The following JCAD variants were observed in gnomAD, a reference collection of about 807,000 sequenced individuals.
JCAD encodes the protein junctional cadherin 5 associated.
JCAD carries 40 observed loss-of-function variants against 98.0 expected under a neutral mutation model. That is an observed-to-expected ratio of 0.41 (90% confidence interval 0.32 to 0.53). The LOEUF (loss-of-function observed/expected upper bound fraction) is 0.53. JCAD is among the 20% of genes least tolerant of loss of function. The pLI is 0.31. For missense variants in JCAD, 1,705 were observed against 1,738.1 expected, an observed-to-expected ratio of 0.98 and a Z score of 0.34; for synonymous variants, 691 against 682.3, an observed-to-expected ratio of 1.01 and a Z score of -0.20.
At chr10:30,021,544 G>A (rs1311017316) in intron 3 of JCAD, among the ~76,000 whole-genome samples, 3 of 152,128 alleles carry the variant, frequency 2.0e-5, no homozygotes, top group East Asian at 1.9e-4. Flanking sequence ...AAAATAAACA[G>A]GTGAAATTAA....
chr10:30,063,384 T>C (rs1336696975), upstream of JCAD, among the ~76,000 whole-genome samples: 10 of 152,008 alleles, frequency 6.6e-5, no homozygotes, highest in East Asian at 9.7e-4. Context: ...AGAAAAATAA[T>C]GTTTAACCGC....
rs762186621 is a variant in JCAD, at chr10:30,029,251, G to C, written c.897C>G (p.Ser299Arg). The C allele has an allele frequency of 3.7e-6, 6 of 1,614,066 alleles. No individual in the cohort carries two copies. In the African/African-American group the frequency reaches 5.3e-5, roughly 14 times the overall value. Residue 299 changes from serine (S) to arginine (R), a missense_variant, in exon 3 of 4, where the codon AGC becomes AGG. Coordinates refer to ENST00000375377, the MANE Select transcript of JCAD (RefSeq NM_020848.4). ...FGRPLKPPSY[S>R]SHQQSRGGAD... The stretch of plus-strand genomic sequence containing the variant: ...CTCCTCCCCTAGACTGCTGGTGCGA[G>C]CTGTAAGATGGGGGCTTGAGGGGCC...
At chr10:30,079,346 CA>C (rs373809311) in intron 1 of JCAD, among the ~76,000 whole-genome samples, 285 of 64,678 alleles carry the variant, frequency 4.4e-3, no homozygotes, top group African/African-American at 5.9e-3. Flanking sequence ...GACTCCATCT[CA>C]AAAAAAAAAA....
chr10:30,055,143 G>A (rs1396401692), intron 1 of JCAD, among the ~76,000 whole-genome samples: 2 of 152,178 alleles, frequency 1.3e-5, no homozygotes, highest in Non-Finnish European at 2.9e-5. Flanking sequence ...AATCACATGT[G>A]CTGCTGAAGA....
Position 30,105,383 on chromosome 10 carries a change from A to G in JCAD, n.128+9984T>C, listed in dbSNP as rs114245863. ...CTTTTTTTTTTTTTTGAGATGGAGTATTGCTCTCTTGCTCACTGCAACCTC... is the reference window on the plus strand; with the variant it reads ...CTTTTTTTTTTTTTTGAGATGGAGTGTTGCTCTCTTGCTCACTGCAACCTC... On this transcript the variant is annotated intron_variant and non_coding_transcript_variant, in intron 1 of 2. Transcript: ENST00000465712. Among the ~76,000 whole-genome samples the G allele has an allele frequency of 5.7e-3, 813 of 143,162 alleles. 6 individuals are homozygous for G. Among genetic ancestry groups the G allele is most frequent in the African/African-American group, 0.02 (774 of 38,616 alleles). 93.9% of individuals were successfully genotyped at this position (143,162 alleles called of 152,430 possible).
intron 3 of JCAD, among the ~76,000 whole-genome samples, chr10:30,022,965 T>C (rs777428946): frequency 6.6e-6 from 1 of 152,140 alleles, no homozygotes; most frequent in Non-Finnish European, 1.5e-5. Flanking sequence ...CAAGCTCCAT[T>C]CATGGTAAGT....
intron 1 of JCAD, 109 bp from the exon 2 acceptor site, chr10:30,047,980 AGCACAGAACCT>A: frequency 1.6e-6 from 1 of 620,938 alleles, no homozygotes; most frequent in South Asian, 2.1e-5. Flanking sequence ...CGATGGACAC[AGCACAGAACCT>A]GCACAGAAAG....
intron 3 of JCAD, among the ~76,000 whole-genome samples, chr10:30,021,834 T>C (rs554066908): frequency 5.5e-4 from 84 of 152,300 alleles, no homozygotes; most frequent in African/African-American, 2.0e-3. Context: ...CCATTTCAGC[T>C]GAGGACAACT....
chr10:30,051,809 A>G (rs1485427062), intron 1 of JCAD, among the ~76,000 whole-genome samples: 1 of 152,210 alleles, frequency 6.6e-6, no homozygotes, highest in Admixed American at 6.5e-5. Context: ...AGGAATAATA[A>G]GAGTAATTTT....
chr10:30,045,857 A>G (rs1359162478), intron 2 of JCAD, among the ~76,000 whole-genome samples: 1 of 152,216 alleles, frequency 6.6e-6, no homozygotes, highest in African/African-American at 2.4e-5. Context: ...ACCTGCTTTT[A>G]CTACGCTGGG....
At position 30,047,615 on chromosome 10, in the gene JCAD, C is replaced by T; in HGVS notation, c.198G>A (p.Val66=). 6.2e-7 allele frequency: 1 copy of T among 1,614,216 alleles called. No homozygotes were observed. The highest frequency in any genetic ancestry group is 8.5e-7 in the Non-Finnish European group (1 of 1,180,036). The change falls in exon 2 of 4, where the codon GTG becomes GTA. Residue 66 remains valine, a synonymous_variant. Coordinates refer to ENST00000375377, the MANE Select transcript of JCAD (RefSeq NM_020848.4). ...TGCTGCGGCGGCTTTCGGAGTCACT[C>T]ACATGTCCTTTCCCCGCGGACGTCT... The part of the protein sequence containing the change: ...HRKTSAGKGH[V]SDSESRRSTP...
At chr10:30,111,297 A>T (rs1273088601) in intron 1 of JCAD, among the ~76,000 whole-genome samples, 3 of 151,992 alleles carry the variant, frequency 2.0e-5, no homozygotes, top group Non-Finnish European at 2.9e-5. Context: ...CTTCAAAAAA[A>T]TTTTTTTTAG....
intron 2 of JCAD, among the ~76,000 whole-genome samples, chr10:30,065,563 G>A (rs1371508706): frequency 4.6e-5 from 7 of 151,922 alleles, no homozygotes; most frequent in Admixed American, 1.3e-4. Context: ...GGGCAGTGGT[G>A]TGATCACAGC....
At chr10:30,061,589 T>G (rs1226416972), upstream of JCAD, among the ~76,000 whole-genome samples, 1 of 151,782 alleles carries the variant, frequency 6.6e-6, no homozygotes, top group Non-Finnish European at 1.5e-5. Flanking sequence ...CTACTACCAT[T>G]AACACTTGTA....
intron 2 of JCAD, among the ~76,000 whole-genome samples, chr10:30,040,617 T>C (rs1217856495): frequency 6.6e-6 from 1 of 152,164 alleles, no homozygotes; most frequent in Non-Finnish European, 1.5e-5. Context: ...ATGAGGGCTG[T>C]GAGGAGCAGA....
chr10:30,075,591 CCA>C (rs1165577062), intron 1 of JCAD, among the ~76,000 whole-genome samples: 1 of 152,200 alleles, frequency 6.6e-6, no homozygotes, highest in Non-Finnish European at 1.5e-5. Flanking sequence ...CTTTCTTAAC[CCA>C]CCCTGGGAAG....
intron 2 of JCAD, among the ~76,000 whole-genome samples, chr10:30,040,279 C>T (rs1186039616): frequency 6.6e-6 from 1 of 152,192 alleles, no homozygotes; most frequent in African/African-American, 2.4e-5. Flanking sequence ...AATACGGATG[C>T]AGAACAAACC....
intron 1 of JCAD, among the ~76,000 whole-genome samples, chr10:30,107,798 C>T (rs1445494308): frequency 4.6e-5 from 7 of 151,990 alleles, no homozygotes; most frequent in African/African-American, 1.5e-4. Flanking sequence ...AATCGGAAAA[C>T]ACATTATCCA....
At chr10:30,040,412 C>A (rs1480079027) in intron 2 of JCAD, among the ~76,000 whole-genome samples, 1 of 152,204 alleles carries the variant, frequency 6.6e-6, no homozygotes, top group Non-Finnish European at 1.5e-5. Context: ...AAGGGCATGT[C>A]AGATTTTTAC....
Sources: allele counts gnomAD v4.1 joint callset (sites outside exome capture counted in the v4.1 genomes callset), GRCh38; gene constraint gnomAD v4.1.1; transcripts MANE v1.5; gene names NCBI Gene and HGNC (gene_info 2026-07-23, HGNC 2026-07-21).